NAA16: variants seen among roughly 807,000 people sequenced by gnomAD.
The protein encoded by NAA16 is N-alpha-acetyltransferase 16, NatA auxiliary subunit.
NAA16 carries 97 observed loss-of-function variants against 110.3 expected under a neutral mutation model. That is an observed-to-expected ratio of 0.88 (90% CI 0.75 to 1.04). The LOEUF (loss-of-function observed/expected upper bound fraction) is 1.04, where lower values mean the gene tolerates loss of function less well. Ranked by LOEUF, NAA16 falls within the 50% of genes least tolerant of loss-of-function variation. The pLI, the probability that NAA16 is intolerant of heterozygous loss-of-function variation, is 0.00. For synonymous variants in NAA16, 372 were observed against 330.6 expected, an observed-to-expected ratio of 1.13 and a Z score of -1.36; for missense variants, 1,017 against 1,005.1, an observed-to-expected ratio of 1.01 and a Z score of -0.16.
rs2041549809 is a variant in NAA16 at position 41,311,385 on chromosome 13, C to G, written c.-144C>G. The G allele has an allele frequency of 1.4e-6, 1 of 731,836 alleles. No individual in the cohort carries two copies. Among genetic ancestry groups the G allele is most frequent in the South Asian group, 1.8e-5 (1 of 56,644 alleles). The allele number at this position is 731,836 out of a possible 1,614,324, so 45.3% of individuals were successfully genotyped here. A position where few individuals can be genotyped will look rare whatever the true frequency, so the allele number is the denominator to read the frequency against. On this transcript the variant is annotated 5_prime_UTR_variant, in exon 1 of 20. Transcript: ENST00000379406. The stretch of plus-strand genomic sequence containing the variant: ...ACCCGTGCCGAACAGCCAGGCTGCC[C>G]AATTGCAACTGTAGACCAATGAACT...
chr13:41,362,181 T>C, intron 13 of NAA16, 22 bp downstream of exon 13: 2 of 1,585,562 alleles, frequency 1.3e-6, no homozygotes, highest in Middle Eastern at 1.7e-4. Context: ...GAATTTCGAC[T>C]TCAGTTTTCA....
At chr13:41,353,985 C>T (rs529455147) in intron 9 of NAA16, among the ~76,000 whole-genome samples, 6 of 152,246 alleles carry the variant, frequency 3.9e-5, no homozygotes, top group African/African-American at 1.2e-4. Flanking sequence ...ACCCTAATGT[C>T]TGGTCATATT....
chr13:41,366,454 AAAAC>A (rs1169940744), intron 13 of NAA16, among the ~76,000 whole-genome samples: 1 of 152,220 alleles, frequency 6.6e-6, no homozygotes, highest in Non-Finnish European at 1.5e-5. Flanking sequence ...TGATTTTAGA[AAAAC>A]TAACGTATGA....
intron 6 of NAA16, among the ~76,000 whole-genome samples, chr13:41,327,001 C>T (rs765190729): frequency 6.6e-5 from 10 of 152,132 alleles, no homozygotes; most frequent in Admixed American, 1.3e-4. Context: ...TCCAAAATAT[C>T]ATATAGTTGG....
chr13:41,355,540 C>T (rs921448650), intron 10 of NAA16, among the ~76,000 whole-genome samples: 4 of 152,176 alleles, frequency 2.6e-5, no homozygotes, highest in African/African-American at 9.7e-5. Context: ...ACTGATGCTC[C>T]TGCCTTAGCC....
chr13:41,363,383 A>G (rs752790771), intron 13 of NAA16, among the ~76,000 whole-genome samples: 91 of 152,346 alleles, frequency 6.0e-4, no homozygotes, highest in Admixed American at 1.8e-3. Flanking sequence ...CAGCAAGACC[A>G]TAACTAGAAA....
rs770813395 is a variant in NAA16, at chr13:41,358,412, C to G, written c.1196C>G (p.Ala399Gly). 1 of 1,613,060 alleles carries G rather than the reference C, an allele frequency of 6.2e-7. No individual in the cohort carries two copies. The highest frequency in any genetic ancestry group is 1.3e-5 in the African/African-American group (1 of 75,002). ...TCTTTGGCTTTGGATTATATTAATG[C>G]TGCAATTGCTAGTACTCCAACTCTA... The part of the protein sequence containing the change: ...QYSLALDYIN[A>G]AIASTPTLIE... Residue 399 changes from alanine (A) to glycine (G), a missense_variant, in exon 11 of 20, where the codon GCT becomes GGT. Coordinates refer to ENST00000379406, the MANE Select transcript of NAA16 (RefSeq NM_024561.5).
intron 9 of NAA16, among the ~76,000 whole-genome samples, chr13:41,339,123 G>T (rs562584729): frequency 3.5e-4 from 51 of 147,652 alleles, no homozygotes; most frequent in Admixed American, 2.8e-3. Context: ...TCTTGTTTTT[G>T]TTGTTGTTGT....
Position 41,368,948 on chromosome 13 carries a change from C to T in NAA16, c.1754-142C>T, listed in dbSNP as rs958895366. On this transcript the variant is annotated intron_variant, in intron 14 of 19. Coordinates refer to ENST00000379406, the MANE Select transcript of NAA16 (RefSeq NM_024561.5). ...CATTTTATATCACAGGCTTGAGTAT[C>T]AGTGGACTTTGTGGGGGTGGGGGTC... 3 of 570,072 alleles carry T rather than the reference C, an allele frequency of 5.3e-6. No homozygotes were observed. The Admixed American group carries it at 1.0e-4, about 19-fold the overall frequency. The allele number at this position is 570,072 out of a possible 1,614,324, so 35.3% of individuals were successfully genotyped here. A position where few individuals can be genotyped will look rare whatever the true frequency, so the allele number is the denominator to read the frequency against.
At chr13:41,364,469 G>C (rs1399608339) in intron 13 of NAA16, among the ~76,000 whole-genome samples, 8 of 151,982 alleles carry the variant, frequency 5.3e-5, no homozygotes, top group Admixed American at 5.2e-4. Flanking sequence ...TTTGAAACTT[G>C]ACTTTTATTA....
At chr13:41,336,050 A>C (rs2042372985) in intron 8 of NAA16, among the ~76,000 whole-genome samples, 1 of 152,178 alleles carries the variant, frequency 6.6e-6, no homozygotes, top group Non-Finnish European at 1.5e-5. Context: ...TGTTGCAAAT[A>C]GGGTATTTAT....
chr13:41,373,844 C>T, intron 18 of NAA16, 64 bp downstream of exon 18: 2 of 1,523,338 alleles, frequency 1.3e-6, no homozygotes, highest in Non-Finnish European at 1.8e-6. Flanking sequence ...AAAGCTTTGA[C>T]ACCCCCAAAA....
intron 9 of NAA16, among the ~76,000 whole-genome samples, chr13:41,351,728 A>C (rs1208840777): frequency 1.3e-5 from 2 of 151,996 alleles, no homozygotes; most frequent in Non-Finnish European, 2.9e-5. Flanking sequence ...AAAGTAAACC[A>C]GGAGAAGGTG....
chr13:41,346,424 G>GA (rs1264036618), intron 9 of NAA16, among the ~76,000 whole-genome samples: 2 of 152,170 alleles, frequency 1.3e-5, no homozygotes, highest in Non-Finnish European at 2.9e-5. Flanking sequence ...AGAGGCTCAG[G>GA]AAAAAACACA....
intron 18 of NAA16, chr13:41,374,014 C>A: frequency 2.1e-6 from 1 of 469,852 alleles, no homozygotes; most frequent in Non-Finnish European, 3.2e-6. Context: ...CGGGCAAATA[C>A]TTTTATAATA....
At chr13:41,361,963 A>G (rs2043120035) in intron 12 of NAA16, 68 bp from the exon 13 acceptor site, 1 of 1,557,656 alleles carries the variant, frequency 6.4e-7, no homozygotes. Flanking sequence ...CCTAGTTGTA[A>G]AGAGGAAATG....
intron 9 of NAA16, among the ~76,000 whole-genome samples, chr13:41,352,985 C>T (rs1263723981): frequency 3.3e-5 from 5 of 151,750 alleles, no homozygotes; most frequent in African/African-American, 9.7e-5. Flanking sequence ...GGTGTGGTGG[C>T]GGGTGCCTGT....
intron 9 of NAA16, among the ~76,000 whole-genome samples, chr13:41,351,992 C>A (rs1285809275): frequency 2.0e-5 from 3 of 152,170 alleles, no homozygotes; most frequent in Non-Finnish European, 4.4e-5. Flanking sequence ...AGTAAAACTT[C>A]TTAGATTAAC....
In NAA16 at chr13:41,369,287, A is replaced by C; in HGVS notation, c.1947+4A>C. On this transcript the variant is annotated splice_donor_region_variant and intron_variant, in intron 15 of 19. Coordinates refer to ENST00000379406, the MANE Select transcript of NAA16 (RefSeq NM_024561.5). Reference sequence around the variant, plus strand: ...TATACCTGAAAAATTAGAAAGGGTGAGATGGGTTTTACTATCTTTGTTATT... The same window carrying C: ...TATACCTGAAAAATTAGAAAGGGTGCGATGGGTTTTACTATCTTTGTTATT... 1 of 1,555,976 alleles carries C rather than the reference A, an allele frequency of 6.4e-7. No individual in the cohort carries two copies. The highest frequency in any genetic ancestry group is 2.3e-5 in the East Asian group (1 of 43,910).
Sources: allele counts gnomAD v4.1 joint callset (sites outside exome capture counted in the v4.1 genomes callset), GRCh38; gene constraint gnomAD v4.1.1; transcripts MANE v1.5; gene names NCBI Gene and HGNC (gene_info 2026-07-23, HGNC 2026-07-21).